The following CCDC178 variants were observed in gnomAD, a reference collection of about 807,000 sequenced individuals.
CCDC178 encodes coiled-coil domain containing 178, also known as coiled-coil domain-containing protein 178.
A neutral mutation model predicts 117.4 loss-of-function variants in CCDC178; 126 were observed. The ratio of observed to expected loss-of-function variants is 1.07; its 90% CI spans 0.93 to 1.24. CCDC178 has a LOEUF of 1.24. Among genes scored for constraint, CCDC178 ranks in the 50% most tolerant of loss-of-function variants. CCDC178 has a pLI of 0.00. For missense variants in CCDC178, 1,030 were observed against 986.9 expected (o/e 1.04, Z -0.59); for synonymous variants, 283 against 313.4 (o/e 0.90, Z 1.02).
chr18:33,212,636 T>C (rs1414827376), intron 19 of CCDC178, among the ~76,000 whole-genome samples: 2 of 152,012 alleles, frequency 1.3e-5, no homozygotes, highest in African/African-American at 4.8e-5. Context: ...AGATGATGCA[T>C]TTTTTATTGC....
chr18:33,026,323 C>G (rs1598802460), intron 21 of CCDC178, among the ~76,000 whole-genome samples: 1 of 151,970 alleles, frequency 6.6e-6, no homozygotes, highest in East Asian at 1.9e-4. Flanking sequence ...TGTGATATTG[C>G]TCTATAGTTT....
At chr18:32,978,805 G>A (rs1270838219) in intron 21 of CCDC178, among the ~76,000 whole-genome samples, 1 of 152,184 alleles carries the variant, frequency 6.6e-6, no homozygotes, top group African/African-American at 2.4e-5. Context: ...GGGAGGTCCA[G>A]GCGGGTGGAT....
At chr18:32,969,150 C>A (rs2054875643) in intron 22 of CCDC178, among the ~76,000 whole-genome samples, 1 of 152,114 alleles carries the variant, frequency 6.6e-6, no homozygotes, top group South Asian at 2.1e-4. Context: ...CCAAGAACTG[C>A]AGCTGGTGCC....
intron 21 of CCDC178, among the ~76,000 whole-genome samples, chr18:33,049,284 TAATAAATCA>T (rs2056701404): frequency 4.6e-5 from 7 of 152,264 alleles, no homozygotes; most frequent in Admixed American, 3.3e-4. Context: ...ATAAAGATGT[TAATAAATCA>T]GCAATACCCT....
chr18:32,948,633 T>C (rs765774844), intron 22 of CCDC178, among the ~76,000 whole-genome samples: 5 of 152,128 alleles, frequency 3.3e-5, no homozygotes, highest in Non-Finnish European at 7.4e-5. Flanking sequence ...GCAAGTGATA[T>C]TATATCATTT....
intron 15 of CCDC178, among the ~76,000 whole-genome samples, chr18:33,237,791 AC>A (rs1186679756): frequency 3.3e-5 from 5 of 151,954 alleles, no homozygotes; most frequent in African/African-American, 1.2e-4. Context: ...AAAAAAAAAA[AC>A]ATAAATAAAA....
At chr18:33,015,457 C>A (rs1421681452) in intron 21 of CCDC178, among the ~76,000 whole-genome samples, 1 of 150,268 alleles carries the variant, frequency 6.7e-6, no homozygotes, top group Non-Finnish European at 1.5e-5. Flanking sequence ...CCCACCTACT[C>A]GGGAGGCTGA....
At chr18:32,998,187 G>A (rs1205212165) in intron 21 of CCDC178, among the ~76,000 whole-genome samples, 1 of 152,180 alleles carries the variant, frequency 6.6e-6, no homozygotes, top group Non-Finnish European at 1.5e-5. Context: ...GAGTGATTGT[G>A]GGACTTTGCG....
chr18:33,431,959 T>C (rs1346576595), intron 2 of CCDC178, among the ~76,000 whole-genome samples: 2 of 152,194 alleles, frequency 1.3e-5, no homozygotes, highest in Admixed American at 6.5e-5. Flanking sequence ...AAGAGGTCTG[T>C]GAGCCCAGCA....
At chr18:33,008,286 T>C (rs1369629129) in intron 21 of CCDC178, among the ~76,000 whole-genome samples, 1 of 152,114 alleles carries the variant, frequency 6.6e-6, no homozygotes, top group Non-Finnish European at 1.5e-5. Context: ...ACTTGCTTTC[T>C]AATTCACTGA....
chr18:33,323,293 A>C, intron 11 of CCDC178, 198 bp downstream of exon 11: 1 of 321,162 alleles, frequency 3.1e-6, no homozygotes, highest in Non-Finnish European at 5.5e-6. Flanking sequence ...TACTTTAGGG[A>C]TTTATGCACA....
At chr18:33,146,748 C>T (rs1740501214) in intron 20 of CCDC178, among the ~76,000 whole-genome samples, 1 of 152,124 alleles carries the variant, frequency 6.6e-6, no homozygotes, top group South Asian at 2.1e-4. Flanking sequence ...TTCTGGATAG[C>T]TCTCCTTAAA....
intron 7 of CCDC178, among the ~76,000 whole-genome samples, chr18:33,353,319 G>T (rs1449429767): frequency 6.6e-6 from 1 of 152,066 alleles, no homozygotes; most frequent in African/African-American, 2.4e-5. Flanking sequence ...GACTCTCATA[G>T]ACAGAATAGT....
At position 33,045,837 on chromosome 18, in the gene CCDC178, C is replaced by T. The variant is rs146159413; in HGVS notation, c.2388+46924G>A. Among the ~76,000 whole-genome samples the T allele has an allele frequency of 1.8e-3, 270 of 152,120 alleles. 1 individual carries two copies. The highest frequency in any genetic ancestry group is 0.016 in the East Asian group (83 of 5,156). ...ATCCCAGCACTTTGGGAGGCCAAGG[C>T]GGGCAGATCACTTGAGGTCAGGAGT... On this transcript the variant is annotated intron_variant, in intron 21 of 22. Coordinates refer to ENST00000383096, the MANE Select transcript of CCDC178 (RefSeq NM_001105528.4).
At chr18:33,144,733 G>A (rs536666850) in intron 20 of CCDC178, among the ~76,000 whole-genome samples, 14 of 151,864 alleles carry the variant, frequency 9.2e-5, no homozygotes, top group African/African-American at 3.1e-4. Flanking sequence ...AATCATATTC[G>A]GTTTTAAAAT....
At chr18:33,071,491 T>C (rs1038871666) in intron 21 of CCDC178, among the ~76,000 whole-genome samples, 24 of 152,168 alleles carry the variant, frequency 1.6e-4, no homozygotes, top group Non-Finnish European at 2.5e-4. Context: ...TGGAAAAGTA[T>C]GGGTACTATG....
intron 12 of CCDC178, among the ~76,000 whole-genome samples, chr18:33,276,714 GGT>G (rs952303816): frequency 1.3e-5 from 2 of 152,104 alleles, no homozygotes; most frequent in Non-Finnish European, 2.9e-5. Flanking sequence ...AAGGCTTAAT[GGT>G]GATGGTAAAA....
chr18:33,039,073 C>A (rs1489824726), intron 21 of CCDC178, among the ~76,000 whole-genome samples: 1 of 151,624 alleles, frequency 6.6e-6, no homozygotes, highest in African/African-American at 2.4e-5. Flanking sequence ...CAAAAATGAC[C>A]AGTTAAAAAA....
chr18:33,272,483 C>T (rs908775749), intron 12 of CCDC178, among the ~76,000 whole-genome samples: 3 of 151,506 alleles, frequency 2.0e-5, no homozygotes, highest in African/African-American at 4.8e-5. Context: ...AAAGATGAAT[C>T]GACATGGGTC....
Sources: allele counts gnomAD v4.1 joint callset (sites outside exome capture counted in the v4.1 genomes callset), GRCh38; gene constraint gnomAD v4.1.1; transcripts MANE v1.5; gene names NCBI Gene and HGNC (gene_info 2026-07-23, HGNC 2026-07-21).